Variants in TULP4 observed in about 807,000 individuals in gnomAD.
TULP4 encodes tubby-related protein 4.
Under a neutral mutation model 129.0 loss-of-function variants are expected in TULP4, and 16 were observed. The observed-to-expected ratio is 0.12, with a 90% CI of 0.08 to 0.19. The LOEUF (loss-of-function observed/expected upper bound fraction) is 0.19. TULP4 is among the 10% of genes least tolerant of loss of function. The pLI, the probability that TULP4 is intolerant of heterozygous loss-of-function variation, is 1.00. For missense variants in TULP4, 1,842 were observed against 2,059.1 expected (o/e 0.89, Z 2.04); for synonymous variants, 998 against 854.0 (o/e 1.17, Z -2.94).
intron 1 of TULP4, among the ~76,000 whole-genome samples, chr6:158,300,873 C>T (rs755526238): frequency 6.6e-6 from 1 of 152,188 alleles, no homozygotes; most frequent in Non-Finnish European, 1.5e-5. Context: ...GCTTAGCCTC[C>T]TTCCAGGTGA....
intron 1 of TULP4, among the ~76,000 whole-genome samples, chr6:158,270,137 A>G (rs262831): frequency 6.6e-6 from 1 of 152,020 alleles, no homozygotes; most frequent in South Asian, 2.1e-4. Flanking sequence ...GATCTTCTAT[A>G]TATCTTTAAT....
chr6:158,243,033 C>T (rs933359445), intron 1 of TULP4, among the ~76,000 whole-genome samples: 7 of 152,174 alleles, frequency 4.6e-5, no homozygotes, highest in African/African-American at 7.2e-5. Context: ...GTGATCCGCC[C>T]GCCTCGGCCT....
intron 1 of TULP4, among the ~76,000 whole-genome samples, chr6:158,357,548 G>C (rs1355833688): frequency 6.6e-6 from 1 of 152,234 alleles, no homozygotes; most frequent in Non-Finnish European, 1.5e-5. Flanking sequence ...AATTCCATTA[G>C]ATGAGTAGGA....
At chr6:158,310,725 C>T (rs78452929), upstream of TULP4, among the ~76,000 whole-genome samples, 14 of 152,230 alleles carry the variant, frequency 9.2e-5, no homozygotes, top group East Asian at 2.7e-3. Context: ...ACATTCAAAC[C>T]ATGTCACATG....
intron 1 of TULP4, among the ~76,000 whole-genome samples, chr6:158,367,163 C>T (rs1776937530): frequency 2.0e-5 from 3 of 152,196 alleles, no homozygotes; most frequent in Non-Finnish European, 4.4e-5. Flanking sequence ...TACCCACCTG[C>T]TTTCCTCTGA....
intron 1 of TULP4, among the ~76,000 whole-genome samples, chr6:158,373,349 G>A (rs1777112647): frequency 6.6e-6 from 1 of 152,172 alleles, no homozygotes; most frequent in African/African-American, 2.4e-5. Flanking sequence ...TGGAGGAGCT[G>A]GCGCTGTTCA....
upstream of TULP4, among the ~76,000 whole-genome samples, chr6:158,310,115 A>T (rs1006565302): frequency 6.6e-6 from 1 of 152,148 alleles, no homozygotes; most frequent in East Asian, 1.9e-4. Context: ...TTGCATTACT[A>T]TAAGGAATAC....
At chr6:158,496,615 T>A (rs1419551132) in intron 11 of TULP4, among the ~76,000 whole-genome samples, 1 of 152,234 alleles carries the variant, frequency 6.6e-6, no homozygotes, top group Admixed American at 6.5e-5. Flanking sequence ...TAGTGCCCTA[T>A]TGATTAGATA....
chr6:158,458,992 A>G (rs940061569), intron 5 of TULP4, among the ~76,000 whole-genome samples: 3 of 152,232 alleles, frequency 2.0e-5, no homozygotes, highest in Admixed American at 6.5e-5. Context: ...AGGCACTCAC[A>G]TACGTTGCTA....
chr6:158,439,929 T>G (rs1043650140), intron 3 of TULP4, among the ~76,000 whole-genome samples: 4 of 151,258 alleles, frequency 2.6e-5, no homozygotes, highest in African/African-American at 9.7e-5. Context: ...GCCAGGATGG[T>G]CTCGATCTCC....
intron 1 of TULP4, among the ~76,000 whole-genome samples, chr6:158,232,981 C>G (rs1477798927): frequency 6.6e-6 from 1 of 152,266 alleles, no homozygotes; most frequent in African/African-American, 2.4e-5. Flanking sequence ...ACCAACCCTT[C>G]CTCTTTGCCA....
chr6:158,438,190 A>G (rs1276269907), intron 3 of TULP4: 2 of 152,236 alleles, frequency 1.3e-5, no homozygotes, highest in Non-Finnish European at 2.9e-5. Flanking sequence ...AGGAATCCAC[A>G]TATTTTACAT....
chr6:158,411,209 T>C (rs1017433323), intron 1 of TULP4, among the ~76,000 whole-genome samples: 1 of 152,090 alleles, frequency 6.6e-6, no homozygotes, highest in African/African-American at 2.4e-5. Flanking sequence ...TTAACAAGGA[T>C]TACAACTTCT....
chr6:158,320,155 G>T (rs759165570), intron 1 of TULP4, among the ~76,000 whole-genome samples: 2 of 152,198 alleles, frequency 1.3e-5, no homozygotes, highest in African/African-American at 2.4e-5. Context: ...CTCCAAGGGG[G>T]ACTCTTCGTG....
chr6:158,478,712 G>T (rs1235374954), intron 6 of TULP4, among the ~76,000 whole-genome samples: 1 of 152,140 alleles, frequency 6.6e-6, no homozygotes, highest in Non-Finnish European at 1.5e-5. Context: ...CCATCTGTCT[G>T]GATCGGAATG....
chr6:158,283,681 A>G (rs1344090254), intron 1 of TULP4, among the ~76,000 whole-genome samples: 4 of 152,208 alleles, frequency 2.6e-5, no homozygotes, highest in Non-Finnish European at 4.4e-5. Context: ...TCACTTACCT[A>G]CCAGTCATCC....
At chr6:158,284,187 C>T (rs1283759937) in intron 1 of TULP4, among the ~76,000 whole-genome samples, 1 of 152,076 alleles carries the variant, frequency 6.6e-6, no homozygotes. Flanking sequence ...CACTGAAGGC[C>T]GGGGCCTGGG....
In TULP4 at chr6:158,481,179, C is replaced by G. The variant is rs200691398; in HGVS notation, c.1376C>G (p.Thr459Arg). 1.2e-6 allele frequency: 2 copies of G among 1,614,232 alleles called. No homozygotes were observed. Among genetic ancestry groups the G allele is most frequent in the East Asian group, 2.2e-5 (1 of 44,884 alleles). Reference sequence around the variant, plus strand: ...CCGGAGGTGGGCGGCCCGTGCTACACGCTCTACCTGGAGTACCTGGGCGGG... The same window carrying G: ...CCGGAGGTGGGCGGCCCGTGCTACAGGCTCTACCTGGAGTACCTGGGCGGG... ...DDPEVGGPCYTLYLEYLGGLV... is the reference protein window; with the variant it reads ...DDPEVGGPCYRLYLEYLGGLV... Residue 459 changes from threonine to arginine, a missense_variant, in exon 8 of 14, where the codon ACG becomes AGG. By Grantham distance (71) the Thr-to-Arg change is moderately conservative. Transcript: ENST00000367097.
At chr6:158,278,939 T>TCG (rs1181774747), upstream of TULP4, among the ~76,000 whole-genome samples, 41 of 97,574 alleles carry the variant, frequency 4.2e-4, no homozygotes, top group African/African-American at 1.7e-3. Flanking sequence ...TTGTTTTTTT[T>TCG]TGTTTTTTTT....
Sources: allele counts gnomAD v4.1 joint callset (sites outside exome capture counted in the v4.1 genomes callset), GRCh38; gene constraint gnomAD v4.1.1; transcripts MANE v1.5; gene names NCBI Gene and HGNC (gene_info 2026-07-23, HGNC 2026-07-21).